Variants in ADARB1 observed in about 807,000 individuals in gnomAD.
ADARB1 encodes adenosine deaminase RNA specific B1.
A neutral mutation model predicts 52.4 loss-of-function variants in ADARB1; 10 were observed. That is an observed-to-expected ratio of 0.19 (90% CI 0.12 to 0.32). ADARB1 has a LOEUF of 0.32. Among genes scored for constraint, ADARB1 ranks in the 10% least tolerant of loss-of-function variants. The pLI is 1.00. For missense variants in ADARB1, 643 were observed against 922.3 expected, an observed-to-expected ratio of 0.70 and a Z score of 3.92; for synonymous variants, 349 against 371.1, an observed-to-expected ratio of 0.94 and a Z score of 0.68.
At chr21:45,163,088 C>T (rs2091063970) in intron 2 of ADARB1, among the ~76,000 whole-genome samples, 1 of 152,316 alleles carries the variant, frequency 6.6e-6, no homozygotes, top group African/African-American at 2.4e-5. Flanking sequence ...TGTTTCTGTT[C>T]CTTAGAAGAG....
In ADARB1 at chr21:45,101,503, A is replaced by C. The variant is rs545344136; in HGVS notation, c.-220+26710A>C. On this transcript the variant is annotated intron_variant, in intron 1 of 10. Transcript: ENST00000348831. ...AGAGGCTTTGACGTTATGATTAAGT[A>C]TACCTGTGATGTAACGAAAACCTTT... Among the ~76,000 whole-genome samples the C allele has an allele frequency of 1.3e-3, 192 of 152,376 alleles. 2 individuals are homozygous for C. Among genetic ancestry groups the C allele is most frequent in the African/African-American group, 4.4e-3 (185 of 41,592 alleles).
intron 2 of ADARB1, among the ~76,000 whole-genome samples, chr21:45,143,401 A>C: frequency 6.6e-6 from 1 of 152,220 alleles, no homozygotes. Context: ...TCTCAGGCTG[A>C]AGGTGGCCTA....
At chr21:45,198,517 A>G (rs1166641122) in intron 8 of ADARB1, among the ~76,000 whole-genome samples, 2 of 151,482 alleles carry the variant, frequency 1.3e-5, no homozygotes, top group African/African-American at 4.9e-5. Context: ...ACACACACAC[A>G]CACATACACA....
intron 1 of ADARB1, among the ~76,000 whole-genome samples, chr21:45,099,892 G>C (rs1020793332): frequency 6.6e-6 from 1 of 152,132 alleles, no homozygotes; most frequent in South Asian, 2.1e-4. Flanking sequence ...GTGCAACTTG[G>C]TGGTGGTGTT....
At chr21:45,109,988 T>G (rs770849019) in intron 1 of ADARB1, among the ~76,000 whole-genome samples, 1 of 152,186 alleles carries the variant, frequency 6.6e-6, no homozygotes, top group Admixed American at 6.5e-5. Context: ...CAGCTGCAAG[T>G]GCGGTGTGAG....
At position 45,183,347 on chromosome 21, in the gene ADARB1, C is replaced by T. The variant is rs1030194940; in HGVS notation, c.1248-15C>T. The T allele has an allele frequency of 6.3e-7, 1 of 1,590,674 alleles. No individual in the cohort carries two copies. Among genetic ancestry groups the T allele is most frequent in the African/African-American group, 1.4e-5 (1 of 73,258 alleles). ...ACAGCTTTAAATGTTACTTTTGCAA[C>T]TTTTTTCCTTTCAGTAACAAAGATG... On this transcript the variant is annotated splice_polypyrimidine_tract_variant and intron_variant, in intron 6 of 10. Coordinates refer to ENST00000348831, the MANE Select transcript of ADARB1 (RefSeq NM_001112.4).
chr21:45,136,696 G>GA (rs2089402985), intron 2 of ADARB1, among the ~76,000 whole-genome samples: 1 of 152,254 alleles, frequency 6.6e-6, no homozygotes, highest in South Asian at 2.1e-4. Context: ...GAGAGCAGGG[G>GA]TGTCCCCGCA....
chr21:45,223,828 C>G lies in ADARB1; in HGVS notation c.*1631C>G, dbSNP rs1458624824. The G allele has an allele frequency of 2.0e-6, 2 of 985,284 alleles. No homozygotes were observed. Among genetic ancestry groups the G allele is most frequent in the Non-Finnish European group, 2.4e-6 (2 of 829,966 alleles). 61.0% of individuals were successfully genotyped at this position (985,284 alleles called of 1,614,324 possible). Reference sequence around the variant, plus strand: ...CCCATCCACGTGTGTCCACACAGATCTCGTCGCAGCACGGCAGGAAGGGGT... The same window carrying G: ...CCCATCCACGTGTGTCCACACAGATGTCGTCGCAGCACGGCAGGAAGGGGT... On this transcript the variant is annotated 3_prime_UTR_variant, in exon 11 of 11. Transcript: ENST00000348831.
At chr21:45,191,878 ATATTTTTTTTTTTTTTTTTT>A (rs1354137655) in intron 8 of ADARB1, among the ~76,000 whole-genome samples, 163 of 15,724 alleles carry the variant, frequency 0.01, no homozygotes, top group Non-Finnish European at 0.013. Flanking sequence ...ATATATATAT[ATATTTTTTTTTTTTTTTTTT>A]TTTTTTTTTT....
In ADARB1 at chr21:45,218,311, G is replaced by C. The variant is rs566884496; in HGVS notation, c.1748-2525G>C. Among the ~76,000 whole-genome samples, 18 of 152,160 alleles carry C rather than the reference G, an allele frequency of 1.2e-4. No individual in the cohort carries two copies. In the South Asian group the frequency reaches 3.5e-3, roughly 30 times the overall value. ...AAGTTCACTAATCTTTTCTTCTGCGGTTTCTATTCTGTGGTTAGTCCCATC... is the reference window on the plus strand; with the variant it reads ...AAGTTCACTAATCTTTTCTTCTGCGCTTTCTATTCTGTGGTTAGTCCCATC... On this transcript the variant is annotated intron_variant, in intron 9 of 10. Transcript: ENST00000348831.
intron 8 of ADARB1, among the ~76,000 whole-genome samples, chr21:45,190,874 A>C (rs2092262810): frequency 6.6e-6 from 1 of 152,258 alleles, no homozygotes; most frequent in South Asian, 2.1e-4. Context: ...GAAGAGCCCC[A>C]GTATGGAGGC....
rs1318180704 is a variant in ADARB1, at chr21:45,221,027, C to A, written c.1926+13C>A. ...TGTGCACGGCAAGGTACTGAGGCGCCCTCACCGCAATGCGCCGGCTCCACC... is the reference window on the plus strand; with the variant it reads ...TGTGCACGGCAAGGTACTGAGGCGCACTCACCGCAATGCGCCGGCTCCACC... On this transcript the variant is annotated intron_variant, in intron 10 of 10. Transcript: ENST00000348831. This position sits in a 1 kb window ranked among gnomAD's most constrained non-coding sequence, Gnocchi z 4.9. The A allele has an allele frequency of 1.3e-6, 2 of 1,596,432 alleles. No individual in the cohort carries two copies. Among genetic ancestry groups the A allele is most frequent in the Non-Finnish European group, 1.7e-6 (2 of 1,169,348 alleles).
rs2146468346 is a variant in ADARB1, at chr21:45,221,833, C to T, written c.1927-185C>T. ...AGACTGGAACTTGGCAATAACTCAGCCCTTAGGAGACGCCGCACCTTGTTC... is the reference window on the plus strand; with the variant it reads ...AGACTGGAACTTGGCAATAACTCAGTCCTTAGGAGACGCCGCACCTTGTTC... On this transcript the variant is annotated intron_variant, in intron 10 of 10. Transcript: ENST00000348831. The surrounding 1 kb of genome is among the most constrained non-coding windows in gnomAD (Gnocchi z 4.9). Among the ~76,000 whole-genome samples, 1 of 152,314 alleles carries T rather than the reference C, an allele frequency of 6.6e-6. No individual in the cohort carries two copies. The highest frequency in any genetic ancestry group is 1.5e-5 in the Non-Finnish European group (1 of 68,034).
rs925720167 is a variant in ADARB1 at position 45,176,788 on chromosome 21, A to G, written c.963+124A>G. 1 of 1,115,632 alleles carries G rather than the reference A, an allele frequency of 9.0e-7. No homozygotes were observed. Among genetic ancestry groups the G allele is most frequent in the Non-Finnish European group, 1.2e-6 (1 of 805,696 alleles). The allele number at this position is 1,115,632 out of a possible 1,614,324, so 69.1% of individuals were successfully genotyped here. On this transcript the variant is annotated intron_variant, in intron 4 of 10. Transcript: ENST00000348831. This position sits in a 1 kb window ranked among gnomAD's most constrained non-coding sequence, Gnocchi z 5.8. ...TTGACATCACTCTGTCCCCACCAGG[A>G]GGAGTTACTGGTAAGTCTGGCTGCT...
intron 2 of ADARB1, chr21:45,133,708 C>T (rs575874301): frequency 5.3e-5 from 14 of 264,226 alleles, no homozygotes; most frequent in Non-Finnish European, 7.5e-5. Flanking sequence ...TGTGTGCGAC[C>T]GATGGGTGTA....
intron 2 of ADARB1, among the ~76,000 whole-genome samples, chr21:45,135,454 G>C (rs145110469): frequency 6.6e-6 from 1 of 152,336 alleles, no homozygotes; most frequent in South Asian, 2.1e-4. Context: ...GAATCTCAGA[G>C]GACTCAGTGA....
intron 8 of ADARB1, among the ~76,000 whole-genome samples, chr21:45,199,925 G>T (rs1556318): frequency 0.12 from 18,404 of 152,184 alleles, 1,334 homozygotes; most frequent in African/African-American, 0.19. Context: ...GAACCCTTCA[G>T]ATCCAAGCCT....
chr21:45,191,282 T>G (rs759404368), intron 8 of ADARB1, among the ~76,000 whole-genome samples: 1 of 152,266 alleles, frequency 6.6e-6, no homozygotes, highest in Admixed American at 6.5e-5. Flanking sequence ...TCTTTTGTTA[T>G]ACCAGTGTTA....
intron 1 of ADARB1, among the ~76,000 whole-genome samples, chr21:45,126,743 T>C (rs908631105): frequency 1.3e-5 from 2 of 152,098 alleles, no homozygotes; most frequent in African/African-American, 4.8e-5. Flanking sequence ...TTGGTATGAG[T>C]GTACTCAAAT....
Sources: gnomAD v4.1 joint callset for allele counts (sites outside exome capture counted in the v4.1 genomes callset) on GRCh38, gnomAD v4.1.1 for gene constraint, Gnocchi (gnomAD v3.1) non-coding constraint, MANE v1.5 for transcripts, NCBI Gene and HGNC (gene_info 2026-07-23, HGNC 2026-07-21) for gene names.